The following FHIT variants were observed in gnomAD, a reference collection of about 807,000 sequenced individuals.
FHIT encodes fragile histidine triad diadenosine triphosphatase, also known as bis(5'-adenosyl)-triphosphatase.
In FHIT, 19 loss-of-function variants were observed where a neutral mutation model predicts 17.9. The ratio of observed to expected loss-of-function variants is 1.06; its 90% CI spans 0.74 to 1.56. FHIT has a LOEUF of 1.56. FHIT is among the 40% of genes most tolerant of loss of function. The pLI, the probability that FHIT is intolerant of heterozygous loss-of-function variation, is 0.00. For missense variants in FHIT, 248 were observed against 189.2 expected (o/e 1.31, Z -1.82); for synonymous variants, 81 against 69.7 (o/e 1.16, Z -0.81).
chr3:60,568,005 G>A (rs1046802536), intron 4 of FHIT, among the ~76,000 whole-genome samples: 2 of 152,144 alleles, frequency 1.3e-5, no homozygotes, highest in Non-Finnish European at 2.9e-5. Flanking sequence ...TTACAGTGTT[G>A]GTGGGACTGT....
chr3:60,911,510 ATCCTGGTATC>A (rs1162547474), intron 3 of FHIT, among the ~76,000 whole-genome samples: 1 of 152,118 alleles, frequency 6.6e-6, no homozygotes, highest in Non-Finnish European at 1.5e-5. Context: ...CTGGCTAGAG[ATCCTGGTATC>A]TTCCTTTAAA....
chr3:61,016,203 G>C (rs2032096800), intron 3 of FHIT, among the ~76,000 whole-genome samples: 1 of 152,218 alleles, frequency 6.6e-6, no homozygotes, highest in South Asian at 2.1e-4. Context: ...TACGTAATGA[G>C]CAGATGGGCA....
intron 3 of FHIT, among the ~76,000 whole-genome samples, chr3:60,933,826 A>T (rs1165138044): frequency 6.6e-6 from 1 of 152,124 alleles, no homozygotes; most frequent in Non-Finnish European, 1.5e-5. Context: ...TTCTTTGGAT[A>T]GCTACCTATC....
At chr3:59,768,217 T>C (rs1281647465) in intron 8 of FHIT, among the ~76,000 whole-genome samples, 1 of 152,188 alleles carries the variant, frequency 6.6e-6, no homozygotes, top group Non-Finnish European at 1.5e-5. Context: ...TTCTAGGTAA[T>C]GGTCCAGTGC....
At chr3:59,986,538 T>TAA (rs1427707266) in intron 7 of FHIT, among the ~76,000 whole-genome samples, 19 of 11,178 alleles carry the variant, frequency 1.7e-3, no homozygotes, top group East Asian at 0.056. Flanking sequence ...TATATATATA[T>TAA]ATACACACAC....
chr3:61,050,829 GC>G (rs1384643254), intron 2 of FHIT, among the ~76,000 whole-genome samples: 1 of 152,190 alleles, frequency 6.6e-6, no homozygotes, highest in Non-Finnish European at 1.5e-5. Flanking sequence ...GGTTGGACCA[GC>G]CCTTTCACTT....
intron 5 of FHIT, among the ~76,000 whole-genome samples, chr3:60,345,196 T>G: frequency 6.6e-6 from 1 of 152,184 alleles, no homozygotes; most frequent in East Asian, 1.9e-4. Context: ...ATTAGGGACA[T>G]CCAGTACGTG....
chr3:60,068,894 A>T (rs1702635984), intron 5 of FHIT, among the ~76,000 whole-genome samples: 1 of 152,182 alleles, frequency 6.6e-6, no homozygotes, highest in African/African-American at 2.4e-5. Context: ...TAAAATACAT[A>T]AAACATATGT....
At chr3:60,229,003 TCA>T (rs1272675981) in intron 5 of FHIT, among the ~76,000 whole-genome samples, 2 of 152,174 alleles carry the variant, frequency 1.3e-5, no homozygotes, top group Non-Finnish European at 2.9e-5. Flanking sequence ...GAATGGAACC[TCA>T]CACTCTTGAG....
At chr3:60,266,833 T>C (rs1201701457) in intron 5 of FHIT, among the ~76,000 whole-genome samples, 8 of 152,030 alleles carry the variant, frequency 5.3e-5, no homozygotes, top group Admixed American at 2.6e-4. Flanking sequence ...AGAAGGTATT[T>C]AGACAACCAG....
At position 61,177,214 on chromosome 3, in the gene FHIT, T is replaced by C. The variant is rs539848940; in HGVS notation, c.-164+23403A>G. On this transcript the variant is annotated intron_variant, in intron 2 of 9. Coordinates refer to ENST00000492590, the MANE Select transcript of FHIT (RefSeq NM_002012.4). The stretch of plus-strand genomic sequence containing the variant: ...AAGAAAAAGAAAGAGAACCAAATCA[T>C]TTCACTGAATCATTTTGAAATAAAT... Among the ~76,000 whole-genome samples, 64 of 151,804 alleles carry C rather than the reference T, an allele frequency of 4.2e-4. 2 individuals are homozygous for C. The highest frequency in any genetic ancestry group is 1.5e-3 in the African/African-American group (62 of 41,426).
chr3:60,174,320 G>A (rs1393357555), intron 5 of FHIT, among the ~76,000 whole-genome samples: 1 of 151,938 alleles, frequency 6.6e-6, no homozygotes, highest in African/African-American at 2.4e-5. Context: ...AAGCCCCTTG[G>A]CCTTTTACTT....
At chr3:60,465,694 T>G (rs182977623) in intron 5 of FHIT, among the ~76,000 whole-genome samples, 3 of 152,134 alleles carry the variant, frequency 2.0e-5, no homozygotes, top group African/African-American at 7.2e-5. Flanking sequence ...AAAATGAGTT[T>G]GCTGTAGATG....
At chr3:60,462,685 T>C (rs1041660079) in intron 5 of FHIT, among the ~76,000 whole-genome samples, 8 of 151,718 alleles carry the variant, frequency 5.3e-5, no homozygotes, top group African/African-American at 1.9e-4. Flanking sequence ...ACAGAGAACA[T>C]AGGAGGGTGG....
At chr3:61,044,152 G>A (rs576461233) in intron 2 of FHIT, among the ~76,000 whole-genome samples, 4 of 152,308 alleles carry the variant, frequency 2.6e-5, no homozygotes, top group South Asian at 2.1e-4. Context: ...GTTGAGAGAA[G>A]GCTTCAGACG....
chr3:61,127,589 G>T (rs1420005287), intron 2 of FHIT, among the ~76,000 whole-genome samples: 2 of 152,174 alleles, frequency 1.3e-5, no homozygotes, highest in South Asian at 2.1e-4. Context: ...ACTTGGCCAG[G>T]TGTGATGGCT....
At chr3:60,753,349 A>G (rs1212778913) in intron 4 of FHIT, among the ~76,000 whole-genome samples, 1 of 152,222 alleles carries the variant, frequency 6.6e-6, no homozygotes, top group African/African-American at 2.4e-5. Flanking sequence ...GAAGATGTGC[A>G]GCCCTCTGGC....
intron 3 of FHIT, among the ~76,000 whole-genome samples, chr3:60,854,876 GT>G (rs1314574593): frequency 5.9e-5 from 9 of 152,160 alleles, no homozygotes; most frequent in African/African-American, 2.2e-4. Flanking sequence ...AAGAATGGAT[GT>G]AAAGTGGATC....
intron 3 of FHIT, among the ~76,000 whole-genome samples, chr3:60,832,785 A>T (rs1246517580): frequency 6.6e-6 from 1 of 152,206 alleles, no homozygotes; most frequent in Non-Finnish European, 1.5e-5. Flanking sequence ...AACTATTTTA[A>T]TAATAGCTTT....
Sources: allele counts gnomAD v4.1 joint callset (sites outside exome capture counted in the v4.1 genomes callset), GRCh38; gene constraint gnomAD v4.1.1; transcripts MANE v1.5; gene names NCBI Gene and HGNC (gene_info 2026-07-23, HGNC 2026-07-21).